The following CLSTN2 variants were observed in gnomAD, a reference collection of about 807,000 sequenced individuals.
The protein encoded by CLSTN2 is calsyntenin-2.
A neutral mutation model predicts 101.2 loss-of-function variants in CLSTN2; 48 were observed. The observed-to-expected ratio is 0.47, with a 90% confidence interval of 0.38 to 0.60. The LOEUF is 0.60. Ranked by LOEUF, CLSTN2 falls within the 20% of genes least tolerant of loss-of-function variation. CLSTN2 has a pLI of 0.00. For missense variants in CLSTN2, 1,160 were observed against 1,238.2 expected (o/e 0.94, Z 0.95); for synonymous variants, 481 against 463.6 (o/e 1.04, Z -0.48).
intron 1 of CLSTN2, among the ~76,000 whole-genome samples, chr3:139,968,037 T>A (rs1296415849): frequency 2.6e-5 from 4 of 152,060 alleles, no homozygotes; most frequent in Admixed American, 2.6e-4. Flanking sequence ...AGTTAAATAT[T>A]AGGTACAATC....
chr3:140,159,694 A>G (rs973981763), intron 1 of CLSTN2, among the ~76,000 whole-genome samples: 2 of 152,142 alleles, frequency 1.3e-5, no homozygotes, highest in Non-Finnish European at 2.9e-5. Flanking sequence ...AAGTCATTCT[A>G]CCAAAAAGAC....
At chr3:140,496,278 T>G (rs976403961) in intron 8 of CLSTN2, among the ~76,000 whole-genome samples, 1 of 152,196 alleles carries the variant, frequency 6.6e-6, no homozygotes, top group African/African-American at 2.4e-5. Flanking sequence ...CTGTTCTTGG[T>G]GTATAGGAAT....
In CLSTN2 at chr3:140,486,117, C is replaced by T. The variant is rs139852888; in HGVS notation, c.1344+19386C>T. 7.0e-4 allele frequency among the ~76,000 whole-genome samples: 106 copies of T among 151,538 alleles called. 1 individual carries two copies. The highest frequency in any genetic ancestry group is 2.3e-3 in the African/African-American group (97 of 41,308). On this transcript the variant is annotated intron_variant, in intron 8 of 16. Transcript: ENST00000458420. ...CCACAAAGATAAACTCTTAAGAGCA[C>T]CCAGAGAAAAAGACACATTACATAT...
chr3:140,325,843 G>A (rs1424293013), intron 2 of CLSTN2, among the ~76,000 whole-genome samples: 1 of 152,180 alleles, frequency 6.6e-6, no homozygotes, highest in Non-Finnish European at 1.5e-5. Context: ...CACAGCAGTA[G>A]GGTGGACGCG....
In CLSTN2 at chr3:140,208,927, C is replaced by T. The variant is rs550398560; in HGVS notation, c.232+32854C>T. Among the ~76,000 whole-genome samples, 13 of 152,250 alleles carry T rather than the reference C, an allele frequency of 8.5e-5. No homozygotes were observed. In the South Asian group the frequency reaches 2.5e-3, roughly 29 times the overall value. On this transcript the variant is annotated intron_variant, in intron 2 of 16. Coordinates refer to ENST00000458420, the MANE Select transcript of CLSTN2 (RefSeq NM_022131.3). ...AGTAAATGTTATTCATGCCTCCACC[C>T]CACCGCCACCTTCACTGTCTGGCTA...
intron 1 of CLSTN2, among the ~76,000 whole-genome samples, chr3:140,099,309 G>A (rs1560094314): frequency 2.0e-5 from 3 of 152,118 alleles, no homozygotes; most frequent in South Asian, 2.1e-4. Context: ...CTAGGGGAAA[G>A]TTTTTCCTGG....
intron 10 of CLSTN2, among the ~76,000 whole-genome samples, chr3:140,550,635 C>T (rs1281361454): frequency 1.3e-5 from 2 of 152,064 alleles, no homozygotes; most frequent in African/African-American, 4.8e-5. Flanking sequence ...TACTAGGCCC[C>T]ATAGAGCAAA....
rs200007757 is a variant in CLSTN2 at position 140,430,017 on chromosome 3, G to C, written c.787+8743G>C. Among the ~76,000 whole-genome samples, 22 of 152,236 alleles carry C rather than the reference G, an allele frequency of 1.4e-4. No homozygotes were observed. In the East Asian group the frequency reaches 4.1e-3, roughly 28 times the overall value. On this transcript the variant is annotated intron_variant, in intron 5 of 16. Coordinates refer to ENST00000458420, the MANE Select transcript of CLSTN2 (RefSeq NM_022131.3). ...GCTGGTCACCTTGCCCCTTCCAAAA[G>C]TCAGATGGGTTATTAAATAAACTGA...
intron 10 of CLSTN2, 42 bp from the exon 11 acceptor site, chr3:140,556,471 C>A (rs1285366939): frequency 1.9e-6 from 3 of 1,607,604 alleles, no homozygotes; most frequent in Non-Finnish European, 2.6e-6. Context: ...CCATGTACAT[C>A]ACTGACCATT....
chr3:140,282,008 A>T (rs1176965976), intron 2 of CLSTN2, among the ~76,000 whole-genome samples: 1 of 152,180 alleles, frequency 6.6e-6, no homozygotes, highest in Non-Finnish European at 1.5e-5. Flanking sequence ...TATTTGGGGC[A>T]CTAGACATAC....
rs552175816 is a variant in CLSTN2, at chr3:140,082,915, G to A, written c.110-93036G>A. On this transcript the variant is annotated intron_variant, in intron 1 of 16. Coordinates refer to ENST00000458420, the MANE Select transcript of CLSTN2 (RefSeq NM_022131.3). ...CCCAGGTCTTGATGTCAAGGAGCAC[G>A]TGGAAAATGTGTATACCTTCTACTT... Among the ~76,000 whole-genome samples, 160 of 152,296 alleles carry A rather than the reference G, an allele frequency of 1.1e-3. 1 individual carries two copies. The highest frequency in any genetic ancestry group is 3.8e-3 in the African/African-American group (156 of 41,560).
chr3:139,954,033 G>A (rs1283721025), intron 1 of CLSTN2, among the ~76,000 whole-genome samples: 1 of 151,794 alleles, frequency 6.6e-6, no homozygotes, highest in Admixed American at 6.6e-5. Flanking sequence ...TGGGTAAATT[G>A]CATGTCACAG....
Position 140,467,107 on chromosome 3 carries a change from A to G in CLSTN2, c.1344+376A>G, listed in dbSNP as rs117943159. Reference sequence around the variant, plus strand: ...CCATGTCTTCCCTTGGTGCTCTACTACCTCCTTTGGGTGACACAAGGTTGA... The same window carrying G: ...CCATGTCTTCCCTTGGTGCTCTACTGCCTCCTTTGGGTGACACAAGGTTGA... On this transcript the variant is annotated intron_variant, in intron 8 of 16. Transcript: ENST00000458420. Among the ~76,000 whole-genome samples, 22 of 151,962 alleles carry G rather than the reference A, an allele frequency of 1.4e-4. No homozygotes were observed. In the East Asian group the frequency reaches 4.1e-3, roughly 28 times the overall value.
chr3:140,147,199 G>A (rs569772588), intron 1 of CLSTN2, among the ~76,000 whole-genome samples: 157 of 152,328 alleles, frequency 1.0e-3, no homozygotes, highest in African/African-American at 3.6e-3. Context: ...GTCCTCTGAG[G>A]TGTGGACTAC....
chr3:139,985,618 C>T (rs1936010223), intron 1 of CLSTN2, among the ~76,000 whole-genome samples: 1 of 152,138 alleles, frequency 6.6e-6, no homozygotes, highest in African/African-American at 2.4e-5. Context: ...ATCCATTGCT[C>T]TCATCAGTTC....
chr3:140,309,711 C>T (rs1043066005), intron 2 of CLSTN2, among the ~76,000 whole-genome samples: 7 of 152,066 alleles, frequency 4.6e-5, no homozygotes, highest in African/African-American at 1.7e-4. Context: ...CCCCCACGTG[C>T]CCTACCAGAA....
intron 1 of CLSTN2, among the ~76,000 whole-genome samples, chr3:140,116,227 T>C (rs1276445181): frequency 6.6e-6 from 1 of 152,222 alleles, no homozygotes; most frequent in Admixed American, 6.5e-5. Context: ...GAGAAACTTA[T>C]TCTTTAAACT....
At chr3:140,129,485 A>C (rs2009489407) in intron 1 of CLSTN2, among the ~76,000 whole-genome samples, 1 of 152,182 alleles carries the variant, frequency 6.6e-6, no homozygotes, top group Admixed American at 6.5e-5. Context: ...TTAAATAAGG[A>C]TTATAAATAC....
At chr3:140,226,141 A>G (rs2086318129) in intron 2 of CLSTN2, among the ~76,000 whole-genome samples, 1 of 151,954 alleles carries the variant, frequency 6.6e-6, no homozygotes, top group South Asian at 2.1e-4. Flanking sequence ...TACATGCTGC[A>G]TGATTCCATT....
Sources: gnomAD v4.1 joint callset for allele counts (sites outside exome capture counted in the v4.1 genomes callset) on GRCh38, gnomAD v4.1.1 for gene constraint, MANE v1.5 for transcripts, NCBI Gene and HGNC (gene_info 2026-07-23, HGNC 2026-07-21) for gene names.